LHFPL3: variants seen among roughly 807,000 people sequenced by gnomAD.
The protein encoded by LHFPL3 is LHFPL tetraspan subfamily member 3 protein.
LHFPL3 carries 5 observed loss-of-function variants against 19.3 expected under a neutral mutation model. That is an observed-to-expected ratio of 0.26 (90% CI 0.14 to 0.54). The LOEUF is 0.54. Among genes scored for constraint, LHFPL3 ranks in the 20% least tolerant of loss-of-function variants. The probability of loss-of-function intolerance (pLI) is 0.94; values close to 1 mark genes in which losing one functional copy is unlikely to be tolerated. For missense variants in LHFPL3, 249 were observed against 307.4 expected (o/e 0.81, Z 1.42); for synonymous variants, 133 against 126.2 (o/e 1.05, Z -0.36).
At chr7:104,829,779 C>T (rs1584560985) in intron 2 of LHFPL3, among the ~76,000 whole-genome samples, 1 of 151,988 alleles carries the variant, frequency 6.6e-6, no homozygotes, top group East Asian at 1.9e-4. Context: ...TGAATAGTGC[C>T]ACGATAAACA....
At chr7:104,579,376 ATATTTAG>A (rs1584414810) in intron 1 of LHFPL3, among the ~76,000 whole-genome samples, 1 of 152,134 alleles carries the variant, frequency 6.6e-6, no homozygotes, top group East Asian at 1.9e-4. Flanking sequence ...GGGGCACCCA[ATATTTAG>A]CTCCCACTGA....
intron 1 of LHFPL3, among the ~76,000 whole-genome samples, chr7:104,453,418 G>C (rs1792479140): frequency 6.6e-6 from 1 of 152,094 alleles, no homozygotes; most frequent in African/African-American, 2.4e-5. Context: ...TCTACAGAAA[G>C]TGGGAGATAG....
At chr7:104,594,966 C>G (rs1408296555) in intron 1 of LHFPL3, among the ~76,000 whole-genome samples, 1 of 152,168 alleles carries the variant, frequency 6.6e-6, no homozygotes, top group East Asian at 1.9e-4. Flanking sequence ...TTTCAGCTTC[C>G]TTACGATGGG....
intron 1 of LHFPL3, among the ~76,000 whole-genome samples, chr7:104,729,688 A>T (rs1029871952): frequency 2.0e-5 from 3 of 152,158 alleles, no homozygotes; most frequent in Admixed American, 1.3e-4. Context: ...ATGTTGCTGC[A>T]AATGAAAGGA....
At chr7:104,615,358 A>G (rs1055859609) in intron 1 of LHFPL3, among the ~76,000 whole-genome samples, 2 of 152,224 alleles carry the variant, frequency 1.3e-5, no homozygotes, top group East Asian at 1.9e-4. Flanking sequence ...CGCTCCATTG[A>G]TCATTCTTTT....
At chr7:104,900,624 C>T (rs989028984) in intron 2 of LHFPL3, among the ~76,000 whole-genome samples, 1 of 152,172 alleles carries the variant, frequency 6.6e-6, no homozygotes, top group Non-Finnish European at 1.5e-5. Flanking sequence ...GGGCTCCAGA[C>T]CCTAATTAAA....
At chr7:104,710,366 T>C (rs1793277961) in intron 1 of LHFPL3, among the ~76,000 whole-genome samples, 2 of 152,226 alleles carry the variant, frequency 1.3e-5, no homozygotes, top group African/African-American at 2.4e-5. Context: ...ACCTTAGTTA[T>C]TGACTTTCAT....
intron 1 of LHFPL3, among the ~76,000 whole-genome samples, chr7:104,689,122 T>G (rs1346854715): frequency 6.6e-6 from 1 of 152,218 alleles, no homozygotes; most frequent in Non-Finnish European, 1.5e-5. Flanking sequence ...GGGGAGAACC[T>G]GCATCCTTGA....
At chr7:104,701,105 G>A (rs940297592) in intron 1 of LHFPL3, among the ~76,000 whole-genome samples, 1 of 152,120 alleles carries the variant, frequency 6.6e-6, no homozygotes, top group Admixed American at 6.5e-5. Flanking sequence ...TCGCTTGATG[G>A]ATAATTTGTC....
At chr7:104,392,803 A>T (rs971344006) in intron 1 of LHFPL3, among the ~76,000 whole-genome samples, 1 of 152,142 alleles carries the variant, frequency 6.6e-6, no homozygotes, top group Non-Finnish European at 1.5e-5. Context: ...TTGGCTGTGA[A>T]TCTGTCTTGT....
chr7:104,617,394 C>G (rs567613963), intron 1 of LHFPL3, among the ~76,000 whole-genome samples: 1 of 152,100 alleles, frequency 6.6e-6, no homozygotes, highest in East Asian at 1.9e-4. Flanking sequence ...CTGTGGTTAC[C>G]CTGTAAAGAC....
chr7:104,804,730 G>A (rs1464526153), intron 2 of LHFPL3, among the ~76,000 whole-genome samples: 1 of 152,152 alleles, frequency 6.6e-6, no homozygotes, highest in Non-Finnish European at 1.5e-5. Flanking sequence ...AGCTCTCAAA[G>A]TACTGAATTT....
At chr7:104,853,130 G>T (rs1275953114) in intron 2 of LHFPL3, among the ~76,000 whole-genome samples, 1 of 152,244 alleles carries the variant, frequency 6.6e-6, no homozygotes, top group Non-Finnish European at 1.5e-5. Context: ...AGAGTCCAGA[G>T]CTCAACGAGG....
chr7:104,780,856 A>T (rs1794706378), intron 2 of LHFPL3, among the ~76,000 whole-genome samples: 1 of 152,124 alleles, frequency 6.6e-6, no homozygotes, highest in Non-Finnish European at 1.5e-5. Flanking sequence ...CCTCTGAAAA[A>T]CCAAAACTGG....
At chr7:104,490,294 C>T (rs1157271749) in intron 1 of LHFPL3, among the ~76,000 whole-genome samples, 1 of 152,106 alleles carries the variant, frequency 6.6e-6, no homozygotes, top group East Asian at 1.9e-4. Flanking sequence ...CTTTTGGGTA[C>T]ATCTGTTTCA....
chr7:104,361,149 T>G (rs984600725), intron 1 of LHFPL3, among the ~76,000 whole-genome samples: 5 of 152,206 alleles, frequency 3.3e-5, no homozygotes, highest in African/African-American at 9.6e-5. Context: ...CCATTGAGAC[T>G]GGATGGCCCA....
intron 2 of LHFPL3, among the ~76,000 whole-genome samples, chr7:104,879,429 T>G (rs1456810001): frequency 1.3e-5 from 2 of 151,758 alleles, no homozygotes; most frequent in African/African-American, 4.8e-5. Context: ...AAAAAAAAAT[T>G]TTAAGGTGGA....
At chr7:104,557,147 CT>C (rs1362004549) in intron 1 of LHFPL3, among the ~76,000 whole-genome samples, 1 of 152,224 alleles carries the variant, frequency 6.6e-6, no homozygotes, top group African/African-American at 2.4e-5. Context: ...CTTCCAATCT[CT>C]GCCTTGTTCC....
In LHFPL3 at chr7:104,492,880, C is replaced by G. The variant is rs1793385463; in HGVS notation, c.445+163656C>G. On this transcript the variant is annotated intron_variant, in intron 1 of 2. Coordinates refer to ENST00000424859, the MANE Select transcript of LHFPL3 (RefSeq NM_199000.3). ...TCGTTCCTGCCTCTTTGGGGGCCTT[C>G]CACCATCCATTGCCACTCCCTACTT... Among the ~76,000 whole-genome samples, 4 of 152,252 alleles carry G rather than the reference C, an allele frequency of 2.6e-5. No homozygotes were observed. The South Asian group carries it at 8.3e-4, about 32-fold the overall frequency.
Sources: allele counts gnomAD v4.1 joint callset (sites outside exome capture counted in the v4.1 genomes callset), GRCh38; gene constraint gnomAD v4.1.1; transcripts MANE v1.5; gene names NCBI Gene and HGNC (gene_info 2026-07-23, HGNC 2026-07-21).